The following TRPS1 variants were observed in gnomAD, a reference collection of about 807,000 sequenced individuals.
The protein encoded by TRPS1 is zinc finger transcription factor Trps1.
In TRPS1, 6 loss-of-function variants were observed where a neutral mutation model predicts 101.2. That is an observed-to-expected ratio of 0.06 (90% CI 0.03 to 0.12). TRPS1 has a LOEUF of 0.12. Among genes scored for constraint, TRPS1 ranks in the 10% least tolerant of loss-of-function variants. The pLI is 1.00. For missense variants in TRPS1, 1,363 were observed against 1,567.0 expected (o/e 0.87, Z 2.20); for synonymous variants, 578 against 589.8 (o/e 0.98, Z 0.29).
In TRPS1 at chr8:115,587,528, T is replaced by G; in HGVS notation, c.2173A>C (p.Asn725His). The change falls in exon 5 of 7, where the codon AAC (asparagine) becomes CAC (histidine). Residue 725 changes from asparagine to histidine, a missense_variant. Asn to His is a moderately conservative substitution (Grantham distance 68, BLOSUM62 1). Around this residue, in one of 5 missense-constraint regions of TRPS1, gnomAD observed 1,020 missense variants for 1,073.0 expected, o/e 0.95. Coordinates refer to ENST00000395715, the MANE Select transcript of TRPS1 (RefSeq NM_014112.5). ...TCCTGTTCCTGGCAGTGAACAGTGT[T>G]GAAGTGCTCCAGTAGTGACTGAGTA... is the stretch of plus-strand genomic sequence containing the variant. ...ADTQSLLEHFNTVHCQEQDIT... is the reference protein window; with the variant it reads ...ADTQSLLEHFHTVHCQEQDIT... 1 of 1,614,140 alleles carries G rather than the reference T, an allele frequency of 6.2e-7. No homozygotes were observed.
chr8:115,653,521 A>C (rs1014160734), intron 1 of TRPS1, among the ~76,000 whole-genome samples: 1 of 152,332 alleles, frequency 6.6e-6, no homozygotes, highest in African/African-American at 2.4e-5. Flanking sequence ...ATCATTCTAT[A>C]GTTTTCTGAT....
chr8:115,603,727 G>A lies in TRPS1; in HGVS notation c.2096+146C>T, dbSNP rs543047358. The A allele has an allele frequency of 4.2e-6, 4 of 951,438 alleles. No individual in the cohort carries two copies. In the South Asian group the frequency reaches 6.7e-5, roughly 16 times the overall value. The allele number at this position is 951,438 out of a possible 1,614,324, so 58.9% of individuals were successfully genotyped here. Reference sequence around the variant, plus strand: ...CTGTAACTATATCACCTGCAAATCTGTGATGAACTTTTATGTGGTCTTCTC... The same window carrying A: ...CTGTAACTATATCACCTGCAAATCTATGATGAACTTTTATGTGGTCTTCTC... On this transcript the variant is annotated intron_variant, in intron 4 of 6. Transcript: ENST00000395715.
intron 5 of TRPS1, among the ~76,000 whole-genome samples, chr8:115,481,487 G>T (rs1224448204): frequency 6.6e-6 from 1 of 151,862 alleles, no homozygotes; most frequent in Non-Finnish European, 1.5e-5. Context: ...GAATATGATG[G>T]AAGTGAAGTG....
chr8:115,577,478 T>C (rs1017565571), intron 5 of TRPS1, among the ~76,000 whole-genome samples: 1 of 152,138 alleles, frequency 6.6e-6, no homozygotes, highest in Admixed American at 6.6e-5. Context: ...AAATATTCTA[T>C]AGTTAGCAAT....
intron 3 of TRPS1, among the ~76,000 whole-genome samples, chr8:115,612,478 C>G (rs1818192680): frequency 6.6e-6 from 1 of 152,140 alleles, no homozygotes; most frequent in Non-Finnish European, 1.5e-5. Context: ...GATTTCCAGC[C>G]TGACTTAGCT....
At chr8:115,457,644 T>C (rs1429472848) in intron 5 of TRPS1, among the ~76,000 whole-genome samples, 5 of 152,082 alleles carry the variant, frequency 3.3e-5, no homozygotes, top group Admixed American at 1.3e-4. Context: ...TAAAAAATAA[T>C]AAATTAAAAA....
intron 1 of TRPS1, among the ~76,000 whole-genome samples, chr8:115,634,346 A>C (rs1818718862): frequency 6.6e-6 from 1 of 152,224 alleles, no homozygotes; most frequent in Admixed American, 6.5e-5. Context: ...AGCATGAATA[A>C]TGCTTTACAT....
At chr8:115,559,804 G>C (rs1033749264) in intron 5 of TRPS1, among the ~76,000 whole-genome samples, 3 of 151,954 alleles carry the variant, frequency 2.0e-5, no homozygotes, top group Non-Finnish European at 4.4e-5. Context: ...CTTTCCCCCA[G>C]GTGTACATCT....
intron 1 of TRPS1, among the ~76,000 whole-genome samples, chr8:115,630,754 T>C (rs1449173303): frequency 1.3e-5 from 2 of 152,196 alleles, no homozygotes; most frequent in African/African-American, 4.8e-5. Context: ...TTACAGATAA[T>C]GCAGCTAAGA....
intron 5 of TRPS1, among the ~76,000 whole-genome samples, chr8:115,539,137 G>A (rs1031154733): frequency 6.6e-6 from 1 of 152,100 alleles, no homozygotes; most frequent in Admixed American, 6.5e-5. Context: ...GCCTATAATG[G>A]CTCAGATCCT....
At chr8:115,618,780 G>T (rs376311015) in intron 3 of TRPS1, among the ~76,000 whole-genome samples, 4 of 152,294 alleles carry the variant, frequency 2.6e-5, no homozygotes, top group African/African-American at 9.6e-5. Context: ...AACAAGGCAT[G>T]AATTATTATC....
chr8:115,635,141 T>C (rs536846842), intron 1 of TRPS1, among the ~76,000 whole-genome samples: 1 of 152,294 alleles, frequency 6.6e-6, no homozygotes, highest in African/African-American at 2.4e-5. Context: ...AGAATACTGC[T>C]TGAGAGATGA....
At chr8:115,459,864 G>A (rs554840914) in intron 5 of TRPS1, among the ~76,000 whole-genome samples, 44 of 152,154 alleles carry the variant, frequency 2.9e-4, no homozygotes, top group Non-Finnish European at 5.9e-4. Flanking sequence ...AGTCTTTTTT[G>A]TAGACCAGTG....
chr8:115,468,560 C>A (rs1369061699), intron 5 of TRPS1, among the ~76,000 whole-genome samples: 1 of 151,940 alleles, frequency 6.6e-6, no homozygotes, highest in African/African-American at 2.4e-5. Context: ...AGATACTCTC[C>A]AATGAACAAT....
intron 5 of TRPS1, among the ~76,000 whole-genome samples, chr8:115,426,223 T>C (rs1180708344): frequency 6.6e-6 from 1 of 152,198 alleles, no homozygotes; most frequent in Non-Finnish European, 1.5e-5. Flanking sequence ...GGAGGCACAG[T>C]TAAACAATTT....
At chr8:115,627,159 G>A (rs1375879606) in intron 1 of TRPS1, among the ~76,000 whole-genome samples, 1 of 151,698 alleles carries the variant, frequency 6.6e-6, no homozygotes, top group Non-Finnish European at 1.5e-5. Flanking sequence ...ACCTCATGGA[G>A]CCTCAAAAGG....
At chr8:115,453,054 C>G (rs1433340251) in intron 5 of TRPS1, among the ~76,000 whole-genome samples, 2 of 151,476 alleles carry the variant, frequency 1.3e-5, no homozygotes, top group Non-Finnish European at 2.9e-5. Flanking sequence ...TGGGTTCTCA[C>G]TCTGTTGCCC....
chr8:115,583,017 G>A (rs1432068201), intron 5 of TRPS1, among the ~76,000 whole-genome samples: 1 of 152,028 alleles, frequency 6.6e-6, no homozygotes, highest in Non-Finnish European at 1.5e-5. Context: ...CTGTACTTCC[G>A]TATTTTATTA....
chr8:115,554,575 T>A (rs1223984386), intron 5 of TRPS1, among the ~76,000 whole-genome samples: 1 of 152,200 alleles, frequency 6.6e-6, no homozygotes, highest in Non-Finnish European at 1.5e-5. Context: ...TCAGTTATTA[T>A]GCGCAAAACA....
Sources: gnomAD v4.1 joint callset for allele counts (sites outside exome capture counted in the v4.1 genomes callset) on GRCh38, gnomAD v4.1.1 for gene constraint, gnomAD v4.1.1 regional missense constraint, MANE v1.5 for transcripts, NCBI Gene and HGNC (gene_info 2026-07-23, HGNC 2026-07-21) for gene names.